The following BDP1 variants were observed in gnomAD, a reference collection of about 807,000 sequenced individuals.
BDP1 encodes the protein transcription factor TFIIIB component B'' homolog.
BDP1 carries 169 observed loss-of-function variants against 266.6 expected under a neutral mutation model. The ratio of observed to expected loss-of-function variants is 0.63; its 90% confidence interval spans 0.56 to 0.72. The LOEUF is 0.72. Among genes scored for constraint, BDP1 ranks in the 30% least tolerant of loss-of-function variants. The probability of loss-of-function intolerance (pLI) is 0.00; values close to 1 mark genes in which losing one functional copy is unlikely to be tolerated. For missense variants in BDP1, 3,015 were observed against 3,053.8 expected, an observed-to-expected ratio of 0.99 and a Z score of 0.30; for synonymous variants, 1,090 against 1,022.4, an observed-to-expected ratio of 1.07 and a Z score of -1.26.
At chr5:71,529,383 C>G (rs1766096684) in intron 25 of BDP1, among the ~76,000 whole-genome samples, 1 of 151,862 alleles carries the variant, frequency 6.6e-6, no homozygotes, top group African/African-American at 2.4e-5. Context: ...GAGCGAAGCT[C>G]TGTCTCAAAA....
rs975392001 is a variant in BDP1, at chr5:71,548,630, T to G, written c.6745-52T>G. On this transcript the variant is annotated intron_variant, in intron 32 of 38. Transcript: ENST00000358731. Reference sequence around the variant, plus strand: ...TATCATATTGACAGGAATAACTTTTTAAATGTAAGATTTGGCCAACCTGAC... The same window carrying G: ...TATCATATTGACAGGAATAACTTTTGAAATGTAAGATTTGGCCAACCTGAC... 5.2e-6 allele frequency: 6 copies of G among 1,146,554 alleles called. No individual in the cohort carries two copies. The African/African-American group carries it at 9.2e-5, about 18-fold the overall frequency. 71.0% of individuals were successfully genotyped at this position (1,146,554 alleles called of 1,614,324 possible). A position where few individuals can be genotyped will look rare whatever the true frequency, so the allele number is the denominator to read the frequency against.
intron 6 of BDP1, 66 bp from the exon 7 acceptor site, chr5:71,470,329 G>A (rs1256869769): frequency 8.3e-7 from 1 of 1,199,296 alleles, no homozygotes; most frequent in South Asian, 1.4e-5. Context: ...AATTCTGTAA[G>A]ATTTCTTTTC....
intron 21 of BDP1, among the ~76,000 whole-genome samples, chr5:71,516,943 C>G (rs1765256823): frequency 6.6e-6 from 1 of 151,912 alleles, no homozygotes; most frequent in Non-Finnish European, 1.5e-5. Context: ...TAGCAGGTGA[C>G]TATTATAGTT....
At chr5:71,563,273 G>A (rs1455576363) in intron 38 of BDP1, among the ~76,000 whole-genome samples, 1 of 152,062 alleles carries the variant, frequency 6.6e-6, no homozygotes, top group Non-Finnish European at 1.5e-5. Context: ...TCAGCTTCTC[G>A]ATTAGCTGAG....
chr5:71,548,805 A>G, intron 33 of BDP1, 60 bp downstream of exon 33: 2 of 1,202,284 alleles, frequency 1.7e-6, no homozygotes, highest in Non-Finnish European at 2.4e-6. Context: ...TTTACCCCTT[A>G]TTTAACTATG....
Position 71,562,502 on chromosome 5 carries a change from T to G in BDP1, c.7725T>G (p.Ile2575Met), listed in dbSNP as rs1245530074. The G allele has an allele frequency of 6.2e-7, 1 of 1,613,620 alleles. No individual in the cohort carries two copies. The highest frequency in any genetic ancestry group is 2.2e-5 in the East Asian group (1 of 44,864). The change falls in exon 38 of 39, where the codon ATT (isoleucine) becomes ATG (methionine). Residue 2575 changes from isoleucine to methionine, a missense_variant. By Grantham distance (10) the Ile-to-Met change is conservative. Around this residue, in one of 3 missense-constraint regions of BDP1, gnomAD observed 629 missense variants for 632.5 expected, o/e 0.99. Transcript: ENST00000358731. ...PSVITTQSENISSSATQVSCD... is the reference protein window; with the variant it reads ...PSVITTQSENMSSSATQVSCD... Reference sequence around the variant, plus strand: ...TTATTACTACTCAATCTGAGAATATTAGCAGCTCAGCAACTCAGGTATGTG... The same window carrying G: ...TTATTACTACTCAATCTGAGAATATGAGCAGCTCAGCAACTCAGGTATGTG...
intron 6 of BDP1, among the ~76,000 whole-genome samples, chr5:71,468,958 A>G (rs1762074547): frequency 6.6e-6 from 1 of 152,208 alleles, no homozygotes; most frequent in Admixed American, 6.5e-5. Context: ...ATAATATTGT[A>G]TAATAAAGCT....
At chr5:71,456,373 C>T (rs1761190198) in intron 1 of BDP1, among the ~76,000 whole-genome samples, 1 of 152,198 alleles carries the variant, frequency 6.6e-6, no homozygotes, top group Non-Finnish European at 1.5e-5. Flanking sequence ...GAAGAATATC[C>T]ACACTATTCA....
Position 71,512,298 on chromosome 5 carries a change from T to G in BDP1, c.4117T>G (p.Ser1373Ala). Reference protein sequence around the residue: ...MHTPVEEKRNSEKEVSSHFSH... With the variant: ...MHTPVEEKRNAEKEVSSHFSH... ...TACACCTGTAGAAGAAAAAAGAAAT[T>G]CTGAAAAAGAAGTATCAAGTCACTT... The change falls in exon 18 of 39, where the codon TCT becomes GCT. Residue 1373 changes from serine (S) to alanine (A), a missense_variant. Coordinates refer to ENST00000358731, the MANE Select transcript of BDP1 (RefSeq NM_018429.3). 6.3e-7 allele frequency: 1 copy of G among 1,593,312 alleles called. No individual in the cohort carries two copies. Among genetic ancestry groups the G allele is most frequent in the South Asian group, 1.2e-5 (1 of 86,344 alleles).
At chr5:71,463,622 G>C (rs979518356) in intron 3 of BDP1, among the ~76,000 whole-genome samples, 18 of 152,062 alleles carry the variant, frequency 1.2e-4, no homozygotes, top group Non-Finnish European at 2.9e-5. Context: ...AGGAGTTTGA[G>C]ACCAGCCTGG....
intron 35 of BDP1, among the ~76,000 whole-genome samples, chr5:71,554,710 C>T (rs548531250): frequency 1.4e-4 from 22 of 152,128 alleles, no homozygotes; most frequent in African/African-American, 5.3e-4. Flanking sequence ...AGTATAATGT[C>T]CATTTGGCTT....
chr5:71,575,009 G>A, the BDP1 span, among the ~76,000 whole-genome samples: 1 of 152,218 alleles, frequency 6.6e-6, no homozygotes, highest in South Asian at 2.1e-4. Flanking sequence ...AGTAGAAACA[G>A]CTCAAAGTGT....
chr5:71,509,421 G>A, intron 16 of BDP1, 44 bp from the exon 17 acceptor site: 1 of 1,500,420 alleles, frequency 6.7e-7, no homozygotes, highest in Non-Finnish European at 8.8e-7. Flanking sequence ...TCAGCAGGCA[G>A]TCTGGTTTAA....
downstream of BDP1, among the ~76,000 whole-genome samples, chr5:71,568,645 C>G (rs1580244980): frequency 6.6e-6 from 1 of 152,222 alleles, no homozygotes; most frequent in Non-Finnish European, 1.5e-5. Context: ...CCCATGTCCT[C>G]AGACCACTAG....
intron 36 of BDP1, among the ~76,000 whole-genome samples, 193 bp downstream of exon 36, chr5:71,557,118 C>T (rs1743272687): frequency 6.6e-6 from 1 of 152,148 alleles, no homozygotes; most frequent in Non-Finnish European, 1.5e-5. Flanking sequence ...TCTTTTCATC[C>T]TGTCATCAGT....
At chr5:71,508,471 A>ATTT (rs113929106) in intron 16 of BDP1, among the ~76,000 whole-genome samples, 3 of 144,404 alleles carry the variant, frequency 2.1e-5, no homozygotes, top group East Asian at 4.1e-4. Flanking sequence ...CACTTGACTA[A>ATTT]TTTTTTTTTT....
chr5:71,564,706 A>G, intron 38 of BDP1, 48 bp from the exon 39 acceptor site: 2 of 1,477,952 alleles, frequency 1.4e-6, no homozygotes. Context: ...ATATATATAA[A>G]TGTTGTATTA....
At chr5:71,544,905 A>AAAGG in intron 31 of BDP1, 134 bp from the exon 32 acceptor site, 1 of 574,190 alleles carries the variant, frequency 1.7e-6, no homozygotes, top group Non-Finnish European at 2.8e-6. Flanking sequence ...AAAAAAAAAA[A>AAAGG]AGTCCTATTG....
chr5:71,490,850 G>A (rs897356920), intron 10 of BDP1, 134 bp from the exon 11 acceptor site: 1 of 818,576 alleles, frequency 1.2e-6, no homozygotes, highest in Non-Finnish European at 1.8e-6. Context: ...AATAAGATGT[G>A]TGCCTTGCAA....
Sources: gnomAD v4.1 joint callset for allele counts (sites outside exome capture counted in the v4.1 genomes callset) on GRCh38, gnomAD v4.1.1 for gene constraint, gnomAD v4.1.1 regional missense constraint, MANE v1.5 for transcripts, NCBI Gene and HGNC (gene_info 2026-07-23, HGNC 2026-07-21) for gene names.